Variants in WWOX observed in about 807,000 individuals in gnomAD.
WWOX encodes WW domain containing oxidoreductase, also known as WW domain-containing oxidoreductase.
A neutral mutation model predicts 46.2 loss-of-function variants in WWOX; 69 were observed. That is an observed-to-expected ratio of 1.49 (90% CI 1.23 to 1.82). The LOEUF (loss-of-function observed/expected upper bound fraction) is 1.82. Among genes scored for constraint, WWOX ranks in the 40% most tolerant of loss-of-function variants. The pLI is 0.00. For missense variants in WWOX, 919 were observed against 542.6 expected (o/e 1.69, Z -6.89); for synonymous variants, 359 against 202.6 (o/e 1.77, Z -6.56).
At chr16:78,501,053 C>T (rs2085051782) in intron 8 of WWOX, among the ~76,000 whole-genome samples, 1 of 152,130 alleles carries the variant, frequency 6.6e-6, no homozygotes, top group Admixed American at 6.6e-5. Flanking sequence ...AGGCATTTAA[C>T]AGTGAAGAAT....
intron 8 of WWOX, among the ~76,000 whole-genome samples, chr16:78,851,713 T>G (rs1404467206): frequency 6.6e-6 from 1 of 152,226 alleles, no homozygotes; most frequent in African/African-American, 2.4e-5. Context: ...AAAACAATTT[T>G]TTATTTTCAA....
intron 5 of WWOX, among the ~76,000 whole-genome samples, chr16:78,329,804 T>C (rs2080714645): frequency 6.6e-6 from 1 of 151,640 alleles, no homozygotes; most frequent in African/African-American, 2.4e-5. Context: ...TCAAGTGCAG[T>C]GGTAGAATCA....
intron 4 of WWOX, among the ~76,000 whole-genome samples, chr16:78,137,435 G>A (rs2033835722): frequency 6.6e-6 from 1 of 152,140 alleles, no homozygotes; most frequent in Non-Finnish European, 1.5e-5. Context: ...GTGAGAATTC[G>A]ACAAGGTGGA....
At chr16:78,520,558 A>T (rs566116538) in intron 8 of WWOX, among the ~76,000 whole-genome samples, 127 of 147,304 alleles carry the variant, frequency 8.6e-4, no homozygotes, top group African/African-American at 3.1e-3. Context: ...CTCAGCACAG[A>T]TTGGCAGTGG....
At chr16:79,157,485 G>C (rs781042686) in intron 8 of WWOX, among the ~76,000 whole-genome samples, 16 of 151,902 alleles carry the variant, frequency 1.1e-4, no homozygotes, top group Non-Finnish European at 2.1e-4. Context: ...TGTAAAGGAA[G>C]GTTGAACTAG....
chr16:78,915,237 G>T (rs1415130926), intron 8 of WWOX, among the ~76,000 whole-genome samples: 1 of 152,138 alleles, frequency 6.6e-6, no homozygotes. Context: ...TACCGATTAA[G>T]AGGGTTCCCT....
intron 8 of WWOX, among the ~76,000 whole-genome samples, chr16:78,657,369 C>G (rs1273694571): frequency 6.6e-6 from 1 of 152,100 alleles, no homozygotes; most frequent in African/African-American, 2.4e-5. Flanking sequence ...ATAGTTCTCC[C>G]CCATCCTGTA....
At chr16:78,552,169 A>T (rs1319295187) in intron 8 of WWOX, 1 of 151,892 alleles carries the variant, frequency 6.6e-6, no homozygotes, top group African/African-American at 2.4e-5. Context: ...TGCAAATGTG[A>T]CCTCCAATTA....
chr16:78,700,632 T>C (rs181079513), intron 8 of WWOX, among the ~76,000 whole-genome samples: 22 of 152,274 alleles, frequency 1.4e-4, no homozygotes, highest in Non-Finnish European at 5.9e-5. Flanking sequence ...ATAGGACCAT[T>C]CCTCACTGTG....
At chr16:79,017,965 C>T (rs2113306) in intron 8 of WWOX, among the ~76,000 whole-genome samples, 1 of 152,154 alleles carries the variant, frequency 6.6e-6, no homozygotes, top group African/African-American at 2.4e-5. Flanking sequence ...GAATAAAATA[C>T]ACATTTGCAC....
Position 78,987,839 on chromosome 16 carries a change from C to G in WWOX, c.1057-223769C>G, listed in dbSNP as rs577748639. 6.6e-5 allele frequency among the ~76,000 whole-genome samples: 10 copies of G among 152,282 alleles called. No individual in the cohort carries two copies. In the East Asian group the frequency reaches 1.9e-3, roughly 29 times the overall value. On this transcript the variant is annotated intron_variant, in intron 8 of 8. Transcript: ENST00000566780. ...TTTCCAGCAGGACTTTCCCACCTTG[C>G]TGTTTAAACAGTGAATCAGCCCTGT... is the stretch of plus-strand genomic sequence containing the variant.
At chr16:78,922,736 A>G (rs1337706938) in intron 8 of WWOX, among the ~76,000 whole-genome samples, 1 of 152,132 alleles carries the variant, frequency 6.6e-6, no homozygotes, top group African/African-American at 2.4e-5. Context: ...CAACTTTCCC[A>G]TTTACAGAGA....
intron 8 of WWOX, among the ~76,000 whole-genome samples, chr16:79,163,255 G>C (rs536869490): frequency 3.3e-5 from 5 of 152,124 alleles, no homozygotes; most frequent in African/African-American, 9.7e-5. Flanking sequence ...ACCAGAGAAA[G>C]AGAAAAGAAA....
intron 8 of WWOX, among the ~76,000 whole-genome samples, chr16:78,753,965 C>T (rs1364648181): frequency 6.7e-6 from 1 of 149,132 alleles, no homozygotes; most frequent in South Asian, 2.1e-4. Flanking sequence ...CTAACACAAT[C>T]CAATTTATCC....
intron 8 of WWOX, among the ~76,000 whole-genome samples, chr16:79,090,884 C>T (rs889165247): frequency 2.6e-5 from 4 of 152,154 alleles, no homozygotes; most frequent in Non-Finnish European, 5.9e-5. Context: ...ACCTTTGCCT[C>T]CTGGGTTCAA....
intron 8 of WWOX, among the ~76,000 whole-genome samples, chr16:78,950,077 C>T (rs949758649): frequency 1.3e-5 from 2 of 152,142 alleles, no homozygotes; most frequent in African/African-American, 2.4e-5. Flanking sequence ...GCGATGATAC[C>T]AGAGACCAAG....
chr16:78,999,812 C>T (rs988559871), intron 8 of WWOX, among the ~76,000 whole-genome samples: 48 of 152,032 alleles, frequency 3.2e-4, no homozygotes, highest in African/African-American at 1.1e-3. Flanking sequence ...TTCACCACTA[C>T]GCCATATATG....
At chr16:78,815,736 C>T (rs1422691517) in intron 8 of WWOX, among the ~76,000 whole-genome samples, 3 of 152,186 alleles carry the variant, frequency 2.0e-5, no homozygotes, top group Admixed American at 1.3e-4. Context: ...AGCTTTAGAA[C>T]TGCAATGCAT....
At chr16:78,404,451 C>G (rs894374710) in intron 6 of WWOX, among the ~76,000 whole-genome samples, 2 of 152,068 alleles carry the variant, frequency 1.3e-5, no homozygotes, top group Admixed American at 1.3e-4. Context: ...ACAGAAAGAA[C>G]CAATTCCCTC....
Sources: allele counts gnomAD v4.1 joint callset (sites outside exome capture counted in the v4.1 genomes callset), GRCh38; gene constraint gnomAD v4.1.1; transcripts MANE v1.5; gene names NCBI Gene and HGNC (gene_info 2026-07-23, HGNC 2026-07-21).